Variants in FAT1 observed in about 807,000 individuals in gnomAD.
FAT1 encodes the protein FAT atypical cadherin 1.
A neutral mutation model predicts 329.8 loss-of-function variants in FAT1; 171 were observed. The ratio of observed to expected loss-of-function variants is 0.52; its 90% CI spans 0.46 to 0.59. The LOEUF is 0.59. Ranked by LOEUF, FAT1 falls within the 20% of genes least tolerant of loss-of-function variation. FAT1 has a pLI of 0.00. For missense variants in FAT1, 5,672 were observed against 5,774.4 expected, an observed-to-expected ratio of 0.98 and a Z score of 0.57; for synonymous variants, 2,233 against 2,228.6, an observed-to-expected ratio of 1.00 and a Z score of -0.06.
chr4:186,591,495 C>T (rs1217006770), intron 26 of FAT1, among the ~76,000 whole-genome samples: 3 of 152,178 alleles, frequency 2.0e-5, no homozygotes, highest in Non-Finnish European at 2.9e-5. Flanking sequence ...ACTTTTGTTA[C>T]GTAGGCACTA....
intron 2 of FAT1, among the ~76,000 whole-genome samples, chr4:186,674,076 C>T (rs190095719): frequency 4.1e-4 from 62 of 152,298 alleles, no homozygotes; most frequent in Admixed American, 1.9e-3. Context: ...TCAGAAGATA[C>T]GCAATTTCAG....
chr4:186,628,503 G>A lies in FAT1; in HGVS notation c.4584C>T (p.His1528=), dbSNP rs777716630. Residue 1528 remains histidine, a synonymous_variant, in exon 8 of 27, where the codon CAC becomes CAT. Coordinates refer to ENST00000441802, the MANE Select transcript of FAT1 (RefSeq NM_005245.4). Reference sequence around the variant, plus strand: ...GAGCGCCTACCATGACCGTGAGGGTGTGCTGGTGAACAGCTTCATGATCCA... The same window carrying A: ...GAGCGCCTACCATGACCGTGAGGGTATGCTGGTGAACAGCTTCATGATCCA... ...EKLDHEAVHQ[H]TLTVMVRDQD... 5 of 1,614,040 alleles carry A rather than the reference G, an allele frequency of 3.1e-6. No homozygotes were observed. In the South Asian group the frequency reaches 5.5e-5, roughly 18 times the overall value.
chr4:186,717,995 T>G (rs570977958), intron 1 of FAT1, among the ~76,000 whole-genome samples: 4 of 152,310 alleles, frequency 2.6e-5, no homozygotes, highest in African/African-American at 7.2e-5. Flanking sequence ...AATGACATCT[T>G]GGCAGAGTAG....
At chr4:186,653,341 C>G (rs1354501228) in intron 3 of FAT1, among the ~76,000 whole-genome samples, 1 of 152,212 alleles carries the variant, frequency 6.6e-6, no homozygotes, top group Non-Finnish European at 1.5e-5. Flanking sequence ...AAAATCGTAT[C>G]TGAGATCTCA....
intron 7 of FAT1, among the ~76,000 whole-genome samples, chr4:186,631,886 C>T (rs1035697373): frequency 2.0e-5 from 3 of 151,506 alleles, no homozygotes; most frequent in Non-Finnish European, 4.4e-5. Flanking sequence ...GCTGCACCCC[C>T]CTCCCGCCCC....
intron 2 of FAT1, among the ~76,000 whole-genome samples, chr4:186,665,264 C>A (rs186090217): frequency 1.3e-5 from 2 of 152,182 alleles, no homozygotes; most frequent in South Asian, 4.1e-4. Flanking sequence ...CCTGAGGAAT[C>A]GCCACACTGT....
intron 18 of FAT1, 56 bp downstream of exon 18, chr4:186,604,321 C>T (rs1738985874): frequency 2.1e-6 from 3 of 1,432,740 alleles, no homozygotes; most frequent in South Asian, 1.3e-5. Flanking sequence ...GGGAACCACG[C>T]CAAGCAGCTC....
At chr4:186,663,736 G>A (rs1329149060) in intron 2 of FAT1, 123 bp from the exon 3 acceptor site, 7 of 716,432 alleles carry the variant, frequency 9.8e-6, no homozygotes, top group East Asian at 5.4e-5. Context: ...GCATAACCTT[G>A]AGCAGGTTAA....
At chr4:186,633,857 C>T (rs756503498) in intron 6 of FAT1, 34 bp from the exon 7 acceptor site, 3 of 1,612,646 alleles carry the variant, frequency 1.9e-6, no homozygotes, top group African/African-American at 2.7e-5. Flanking sequence ...AAACAGGTCA[C>T]AGGATAACAC....
At position 186,604,516 on chromosome 4, in the gene FAT1, G is replaced by T; in HGVS notation, c.10409C>A (p.Ser3470Tyr). ...LQLVVTDEDS[S>Y]HNGPPFFFTI... Reference sequence around the variant, plus strand: ...AAAGAAGAAGGGTGGACCGTTATGGGAAGAATCCTCATCTGTTACTACCAG... The same window carrying T: ...AAAGAAGAAGGGTGGACCGTTATGGTAAGAATCCTCATCTGTTACTACCAG... Residue 3470 changes from serine (S) to tyrosine (Y), a missense_variant, in exon 18 of 27, where the codon TCC becomes TAC. By Grantham distance (144) the Ser-to-Tyr change is moderately radical. Around this residue, in one of 2 missense-constraint regions of FAT1, gnomAD observed 1,706 missense variants for 1,859.1 expected, o/e 0.92. Coordinates refer to ENST00000441802, the MANE Select transcript of FAT1 (RefSeq NM_005245.4). 2.5e-6 allele frequency: 4 copies of T among 1,613,732 alleles called. No individual in the cohort carries two copies. The South Asian group carries it at 3.3e-5, about 13-fold the overall frequency.
At chr4:186,723,576 G>C (rs1163537113) in intron 1 of FAT1, 88 bp downstream of exon 1, 1 of 152,220 alleles carries the variant, frequency 6.6e-6, no homozygotes, top group Admixed American at 6.5e-5. Context: ...GCCCGAGCCG[G>C]GGACCGGGCG....
At position 186,609,787 on chromosome 4, in the gene FAT1, G is replaced by A; in HGVS notation, c.10068+14C>T. 4 of 1,586,574 alleles carry A rather than the reference G, an allele frequency of 2.5e-6. No individual in the cohort carries two copies. The highest frequency in any genetic ancestry group is 3.5e-6 in the Non-Finnish European group (4 of 1,155,112). On this transcript the variant is annotated intron_variant, in intron 15 of 26. Coordinates refer to ENST00000441802, the MANE Select transcript of FAT1 (RefSeq NM_005245.4). ...GATACACAGTTTTCACTGTAATGGG[G>A]AAAAAATACACACCGTGATGACAGA...
At position 186,663,728 on chromosome 4, in the gene FAT1, A is replaced by T. The variant is rs73873683; in HGVS notation, c.3266-115T>A. 0.011 allele frequency: 8,750 copies of T among 774,328 alleles called. 549 individuals carry two copies. In the African/African-American group the frequency reaches 0.14, roughly 12 times the overall value. The allele number at this position is 774,328 out of a possible 1,614,324, so 48.0% of individuals were successfully genotyped here. On this transcript the variant is annotated intron_variant, in intron 2 of 26. Coordinates refer to ENST00000441802, the MANE Select transcript of FAT1 (RefSeq NM_005245.4). ...GCTTTATATGTCTCTTACTAGGTGC[A>T]TAACCTTGAGCAGGTTAACCAGCCT...
intron 2 of FAT1, among the ~76,000 whole-genome samples, chr4:186,701,032 C>A (rs1377251270): frequency 6.6e-6 from 1 of 152,188 alleles, no homozygotes; most frequent in Non-Finnish European, 1.5e-5. Context: ...CAACGTGGGA[C>A]GGCCCTGAGT....
intron 3 of FAT1, among the ~76,000 whole-genome samples, chr4:186,642,004 CAA>C (rs11426763): frequency 7.5e-6 from 1 of 134,084 alleles, no homozygotes; most frequent in Admixed American, 7.7e-5. Flanking sequence ...AAAACTCTGT[CAA>C]AAAAAAAAAA....
chr4:186,610,362 C>T (rs992303242), intron 14 of FAT1, among the ~76,000 whole-genome samples: 2 of 151,750 alleles, frequency 1.3e-5, no homozygotes, highest in Non-Finnish European at 1.5e-5. Context: ...AAAATAAAAA[C>T]GTAAAAATTC....
rs2126618856 is a variant in FAT1, at chr4:186,663,599, A to T, written c.3280T>A (p.Ser1094Thr). 1 of 1,608,230 alleles carries T rather than the reference A, an allele frequency of 6.2e-7. No homozygotes were observed. The highest frequency in any genetic ancestry group is 8.5e-7 in the Non-Finnish European group (1 of 1,179,448). ...GTCGATTCACGGTCCAGTCGATCTG[A>T]CGTCTCTATGACACCTACAGAGAAA... ...IGEETGVIET[S>T]DRLDRESTSH... Residue 1094 changes from serine (S) to threonine (T), a missense_variant, in exon 3 of 27, where the codon TCA (serine) becomes ACA (threonine). Coordinates refer to ENST00000441802, the MANE Select transcript of FAT1 (RefSeq NM_005245.4).
At chr4:186,604,883 G>A (rs1442577203) in intron 17 of FAT1, among the ~76,000 whole-genome samples, 1 of 151,616 alleles carries the variant, frequency 6.6e-6, no homozygotes, top group African/African-American at 2.4e-5. Flanking sequence ...GAAGAGCAGA[G>A]AGGAGGAGGA....
At chr4:186,607,068 T>C (rs1235151851) in intron 16 of FAT1, among the ~76,000 whole-genome samples, 3 of 152,226 alleles carry the variant, frequency 2.0e-5, no homozygotes, top group Non-Finnish European at 4.4e-5. Flanking sequence ...CTAAGCATGC[T>C]TCCCAAATCC....
Sources: allele counts gnomAD v4.1 joint callset (sites outside exome capture counted in the v4.1 genomes callset), GRCh38; gene constraint gnomAD v4.1.1; regional missense constraint gnomAD v4.1.1; transcripts MANE v1.5; gene names NCBI Gene and HGNC (gene_info 2026-07-23, HGNC 2026-07-21).